DCAF8: variants seen among roughly 807,000 people sequenced by gnomAD.
The protein encoded by DCAF8 is DDB1 and CUL4 associated factor 8, also known as DDB1- and CUL4-associated factor 8.
DCAF8 carries 20 observed loss-of-function variants against 68.0 expected under a neutral mutation model. That is an observed-to-expected ratio of 0.29 (90% CI 0.21 to 0.43). The LOEUF (loss-of-function observed/expected upper bound fraction) is 0.43. Ranked by LOEUF, DCAF8 falls within the 20% of genes least tolerant of loss-of-function variation. The probability of loss-of-function intolerance (pLI) is 1.00; values close to 1 mark genes in which losing one functional copy is unlikely to be tolerated. For missense variants in DCAF8, 460 were observed against 771.0 expected (o/e 0.60, Z 4.78); for synonymous variants, 230 against 276.9 (o/e 0.83, Z 1.68).
intron 3 of DCAF8, among the ~76,000 whole-genome samples, chr1:160,241,151 CA>C (rs1056618277): frequency 2.0e-5 from 3 of 151,696 alleles, no homozygotes; most frequent in Non-Finnish European, 2.9e-5. Flanking sequence ...GACTCCATCT[CA>C]AAAAAAAGAA....
intron 6 of DCAF8, among the ~76,000 whole-genome samples, chr1:160,236,290 G>GTA (rs759614609): frequency 4.1e-5 from 6 of 146,124 alleles, no homozygotes; most frequent in African/African-American, 1.3e-4. Flanking sequence ...ATACACGTAC[G>GTA]TATATATATA....
intron 4 of DCAF8, chr1:160,239,249 C>T: frequency 2.7e-6 from 3 of 1,103,398 alleles, no homozygotes; most frequent in Middle Eastern, 3.7e-4. Context: ...TTATTAAGTA[C>T]CAGTCACAGT....
intron 2 of DCAF8, among the ~76,000 whole-genome samples, chr1:160,248,307 G>GAA (rs200098593): frequency 2.3e-5 from 3 of 130,300 alleles, no homozygotes; most frequent in African/African-American, 5.7e-5. Flanking sequence ...ACTCCATCTA[G>GAA]AAAAAAAAAA....
chr1:160,262,171 A>C (rs561461859), intron 1 of DCAF8: 1 of 396,310 alleles, frequency 2.5e-6, no homozygotes, highest in South Asian at 1.4e-4. Flanking sequence ...GCGGAAGGAA[A>C]AGACCTGAGC....
At chr1:160,253,717 T>A (rs1252330525) in intron 2 of DCAF8, among the ~76,000 whole-genome samples, 2 of 146,680 alleles carry the variant, frequency 1.4e-5, no homozygotes, top group East Asian at 4.0e-4. Flanking sequence ...TCCCAGCTAC[T>A]TGGGAGGCTG....
At chr1:160,257,523 C>T (rs927892231) in intron 2 of DCAF8, among the ~76,000 whole-genome samples, 1 of 152,168 alleles carries the variant, frequency 6.6e-6, no homozygotes, top group Non-Finnish European at 1.5e-5. Context: ...ACTTAGAGCA[C>T]GAAACTCAAG....
intron 3 of DCAF8, among the ~76,000 whole-genome samples, chr1:160,242,703 A>G (rs1297267363): frequency 2.0e-5 from 3 of 152,200 alleles, no homozygotes; most frequent in Non-Finnish European, 4.4e-5. Flanking sequence ...ACGGAGCTCC[A>G]CCACAACTAC....
At chr1:160,251,552 A>G (rs993833249) in intron 2 of DCAF8, among the ~76,000 whole-genome samples, 1 of 152,126 alleles carries the variant, frequency 6.6e-6, no homozygotes, top group East Asian at 1.9e-4. Flanking sequence ...AGCTCACTGA[A>G]GCCTCGATCT....
chr1:160,251,261 T>A (rs544159196), intron 2 of DCAF8, among the ~76,000 whole-genome samples: 1 of 152,140 alleles, frequency 6.6e-6, no homozygotes, highest in Non-Finnish European at 1.5e-5. Flanking sequence ...CTGTTCAGGG[T>A]TGATCTCCAT....
chr1:160,244,724 TCTCCTGCCTCAGC>T (rs1223715620), intron 2 of DCAF8, among the ~76,000 whole-genome samples: 2 of 151,964 alleles, frequency 1.3e-5, no homozygotes, highest in Non-Finnish European at 2.9e-5. Context: ...TTCACACCAT[TCTCCTGCCTCAGC>T]CTCCCAAGTA....
intron 2 of DCAF8, among the ~76,000 whole-genome samples, chr1:160,254,953 T>C (rs1656768679): frequency 6.6e-6 from 1 of 152,220 alleles, no homozygotes; most frequent in Non-Finnish European, 1.5e-5. Context: ...CCTGCAGGAA[T>C]TTAGAGGATT....
At chr1:160,256,858 A>T (rs1037596567) in intron 2 of DCAF8, among the ~76,000 whole-genome samples, 1 of 152,220 alleles carries the variant, frequency 6.6e-6, no homozygotes, top group African/African-American at 2.4e-5. Flanking sequence ...GTACTTGAGA[A>T]ATCTGGCTTC....
At chr1:160,253,308 C>G (rs1481891028) in intron 2 of DCAF8, among the ~76,000 whole-genome samples, 5 of 151,914 alleles carry the variant, frequency 3.3e-5, no homozygotes, top group Non-Finnish European at 7.4e-5. Context: ...TGAGACCAAC[C>G]TGGGCAACAT....
intron 6 of DCAF8, among the ~76,000 whole-genome samples, chr1:160,232,137 T>C (rs1557832793): frequency 1.3e-5 from 2 of 151,202 alleles, no homozygotes; most frequent in Non-Finnish European, 2.9e-5. Context: ...TTGAGCCTGG[T>C]AGGTAGAGGC....
At chr1:160,242,507 T>C (rs1405503155) in intron 3 of DCAF8, among the ~76,000 whole-genome samples, 2 of 152,216 alleles carry the variant, frequency 1.3e-5, no homozygotes, top group Non-Finnish European at 2.9e-5. Flanking sequence ...CTAGTGTTTA[T>C]TGTTAAAATT....
At chr1:160,221,198 G>A (rs920068911) in intron 11 of DCAF8, 1 of 152,256 alleles carries the variant, frequency 6.6e-6, no homozygotes, top group African/African-American at 2.4e-5. Context: ...AGGGCATTCA[G>A]CCCTGCATCT....
At chr1:160,230,379 A>T (rs532252820) in intron 7 of DCAF8, among the ~76,000 whole-genome samples, 2 of 152,336 alleles carry the variant, frequency 1.3e-5, no homozygotes, top group South Asian at 4.1e-4. Flanking sequence ...CCAACTGGAT[A>T]GGGATGGATA....
At chr1:160,238,229 G>C (rs565880585) in intron 5 of DCAF8, among the ~76,000 whole-genome samples, 25 of 152,272 alleles carry the variant, frequency 1.6e-4, no homozygotes, top group African/African-American at 3.9e-4. Flanking sequence ...CTGAGAGTTT[G>C]AGCAGGTAAG....
intron 11 of DCAF8, chr1:160,219,542 G>A (rs1292015669): frequency 6.5e-6 from 1 of 152,930 alleles, no homozygotes. Flanking sequence ...ATGTCTGCTT[G>A]AGAGAACCTT....
Sources: allele counts gnomAD v4.1 joint callset (sites outside exome capture counted in the v4.1 genomes callset), GRCh38; gene constraint gnomAD v4.1.1; transcripts MANE v1.5; gene names NCBI Gene and HGNC (gene_info 2026-07-23, HGNC 2026-07-21).